Variants in FNBP1 observed in about 807,000 individuals in gnomAD.
FNBP1 encodes the protein formin binding protein 1, also known as formin-binding protein 1.
Under a neutral mutation model 90.6 loss-of-function variants are expected in FNBP1, and 26 were observed. That is an observed-to-expected ratio of 0.29 (90% CI 0.21 to 0.40). The LOEUF (loss-of-function observed/expected upper bound fraction) is 0.40, where lower values mean the gene tolerates loss of function less well. Ranked by LOEUF, FNBP1 falls within the 10% of genes least tolerant of loss-of-function variation. The pLI is 1.00. For synonymous variants in FNBP1, 260 were observed against 265.2 expected, an observed-to-expected ratio of 0.98 and a Z score of 0.19; for missense variants, 635 against 768.0, an observed-to-expected ratio of 0.83 and a Z score of 2.05.
At chr9:130,043,810 ACT>A (rs774580174), upstream of FNBP1, among the ~76,000 whole-genome samples, 9 of 152,186 alleles carry the variant, frequency 5.9e-5, no homozygotes, top group Non-Finnish European at 8.8e-5. Context: ...CAGCCAAGAA[ACT>A]CTCAGGCGTG....
chr9:129,902,787 C>T (rs2037201056), intron 13 of FNBP1, 82 bp downstream of exon 13: 6 of 1,407,476 alleles, frequency 4.3e-6, no homozygotes, highest in South Asian at 3.8e-5. Flanking sequence ...GTGAGAGGAT[C>T]GTCAGGGCCC....
At chr9:130,020,456 C>T (rs952212988) in intron 1 of FNBP1, among the ~76,000 whole-genome samples, 3 of 152,084 alleles carry the variant, frequency 2.0e-5, no homozygotes, top group African/African-American at 4.8e-5. Flanking sequence ...GTGATCCACC[C>T]GCCTTGGCCT....
At position 130,041,731 on chromosome 9, in the gene FNBP1, T is replaced by C. The variant is rs1360621827; in HGVS notation, c.24+1221A>G. On this transcript the variant is annotated intron_variant, in intron 1 of 16. Transcript: ENST00000446176. This position sits in a 1 kb window ranked among gnomAD's most constrained non-coding sequence, Gnocchi z 4.3. The stretch of plus-strand genomic sequence containing the variant: ...TGGTAATAACAACCGTAGCTGCTTC[T>C]GTACCTAACAAATGGTTATGTAAAA... 6.6e-6 allele frequency among the ~76,000 whole-genome samples: 1 copy of C among 152,228 alleles called. No homozygotes were observed. The highest frequency in any genetic ancestry group is 2.4e-5 in the African/African-American group (1 of 41,454).
chr9:129,988,831 T>C (rs2052692848), intron 2 of FNBP1, among the ~76,000 whole-genome samples: 1 of 152,228 alleles, frequency 6.6e-6, no homozygotes, highest in Non-Finnish European at 1.5e-5. Context: ...TGGATGGATT[T>C]GGCCCATGCT....
At chr9:129,965,513 C>T (rs1325285186) in intron 4 of FNBP1, among the ~76,000 whole-genome samples, 1 of 152,086 alleles carries the variant, frequency 6.6e-6, no homozygotes, top group East Asian at 1.9e-4. Context: ...GCTCCACATG[C>T]AGCAATGATC....
intron 1 of FNBP1, among the ~76,000 whole-genome samples, chr9:129,998,733 G>A (rs1035497067): frequency 1.3e-5 from 2 of 152,146 alleles, no homozygotes; most frequent in Non-Finnish European, 2.9e-5. Context: ...AACAGCTTTC[G>A]ATACCAAAGC....
intron 12 of FNBP1, among the ~76,000 whole-genome samples, chr9:129,907,084 C>CT (rs1271858546): frequency 3.8e-5 from 2 of 52,192 alleles, no homozygotes; most frequent in African/African-American, 1.4e-4. Context: ...GGCCCAAGCA[C>CT]GTTTTTTTTT....
intron 9 of FNBP1, 36 bp from the exon 10 acceptor site, chr9:129,924,062 A>C (rs773948242): frequency 8.1e-6 from 12 of 1,480,256 alleles, no homozygotes; most frequent in South Asian, 1.4e-5. Context: ...CAGAGTAAAA[A>C]TCAGAAACAA....
intron 6 of FNBP1, among the ~76,000 whole-genome samples, chr9:129,940,950 T>A (rs537214206): frequency 6.6e-6 from 1 of 151,482 alleles, no homozygotes; most frequent in East Asian, 2.0e-4. Flanking sequence ...AAGGAACAAA[T>A]CCTCTAGGAA....
At chr9:129,940,245 A>C (rs1564384948) in intron 6 of FNBP1, among the ~76,000 whole-genome samples, 2 of 152,182 alleles carry the variant, frequency 1.3e-5, no homozygotes, top group Non-Finnish European at 2.9e-5. Context: ...CAATGACAAC[A>C]AAACAACATT....
chr9:130,035,594 C>T (rs1589410667), intron 1 of FNBP1, among the ~76,000 whole-genome samples: 1 of 152,180 alleles, frequency 6.6e-6, no homozygotes, highest in East Asian at 1.9e-4. Flanking sequence ...TGTCCAGCAC[C>T]TGGGGCATAG....
chr9:129,947,376 G>T (rs1249937932), intron 6 of FNBP1, among the ~76,000 whole-genome samples: 1 of 148,730 alleles, frequency 6.7e-6, no homozygotes, highest in Non-Finnish European at 1.5e-5. Context: ...GGAGGCAGAG[G>T]TTGCAGTGAG....
At position 129,890,610 on chromosome 9, in the gene FNBP1, CG is replaced by C; in HGVS notation, c.1847-65del. On this transcript the variant is annotated intron_variant, in intron 16 of 16. Coordinates refer to ENST00000446176, the MANE Select transcript of FNBP1 (RefSeq NM_015033.3). The surrounding 1 kb of genome is among the most constrained non-coding windows in gnomAD (Gnocchi z 5.8). ...TAGAGAGGAAGGCGCGGGTTCCAGG[CG>C]GGCATTTTGCTCTTGGCTACAAACT... The C allele has an allele frequency of 8.3e-7, 1 of 1,209,286 alleles. No homozygotes were observed. 74.9% of individuals were successfully genotyped at this position (1,209,286 alleles called of 1,614,324 possible).
chr9:129,987,883 T>C (rs1236094196), intron 2 of FNBP1, among the ~76,000 whole-genome samples: 1 of 152,112 alleles, frequency 6.6e-6, no homozygotes, highest in East Asian at 1.9e-4. Context: ...ATTCATTTCT[T>C]TATATATATG....
chr9:129,998,692 T>C (rs1406648994), intron 1 of FNBP1, among the ~76,000 whole-genome samples: 1 of 152,164 alleles, frequency 6.6e-6, no homozygotes, highest in Non-Finnish European at 1.5e-5. Flanking sequence ...CATATCACTT[T>C]GCATTCAAAC....
chr9:129,960,880 A>G (rs1274354144), intron 4 of FNBP1, among the ~76,000 whole-genome samples: 1 of 152,080 alleles, frequency 6.6e-6, no homozygotes, highest in Non-Finnish European at 1.5e-5. Flanking sequence ...GAGATGTGCA[A>G]TAATGAGCTG....
At chr9:129,963,733 G>A (rs1168169793) in intron 4 of FNBP1, among the ~76,000 whole-genome samples, 2 of 150,818 alleles carry the variant, frequency 1.3e-5, no homozygotes, top group African/African-American at 2.4e-5. Flanking sequence ...TCCTGCCTCA[G>A]CCTCCTGAGT....
At chr9:129,917,815 T>C (rs2040488716) in intron 10 of FNBP1, among the ~76,000 whole-genome samples, 1 of 152,200 alleles carries the variant, frequency 6.6e-6, no homozygotes, top group African/African-American at 2.4e-5. Context: ...CTGTCTGACA[T>C]GGGCAGTCTA....
At chr9:129,931,538 G>A (rs962195195) in intron 6 of FNBP1, among the ~76,000 whole-genome samples, 4 of 151,830 alleles carry the variant, frequency 2.6e-5, no homozygotes, top group Non-Finnish European at 4.4e-5. Flanking sequence ...CCCGGGAGGC[G>A]GAGCTTGCAA....
Sources: allele counts gnomAD v4.1 joint callset (sites outside exome capture counted in the v4.1 genomes callset), GRCh38; gene constraint gnomAD v4.1.1; non-coding constraint Gnocchi (gnomAD v3.1); transcripts MANE v1.5; gene names NCBI Gene and HGNC (gene_info 2026-07-23, HGNC 2026-07-21).